Variants in NRXN1 observed in about 807,000 individuals in gnomAD.
NRXN1 encodes the protein neurexin-1.
NRXN1 carries 39 observed loss-of-function variants against 150.9 expected under a neutral mutation model. That is an observed-to-expected ratio of 0.26 (90% CI 0.20 to 0.34). The LOEUF is 0.34. Ranked by LOEUF, NRXN1 falls within the 10% of genes least tolerant of loss-of-function variation. The pLI is 1.00. For missense variants in NRXN1, 1,815 were observed against 1,949.9 expected, an observed-to-expected ratio of 0.93 and a Z score of 1.30; for synonymous variants, 924 against 757.0, an observed-to-expected ratio of 1.22 and a Z score of -3.62.
At chr2:50,672,416 G>A (rs1288806745) in intron 5 of NRXN1, among the ~76,000 whole-genome samples, 1 of 151,928 alleles carries the variant, frequency 6.6e-6, no homozygotes, top group African/African-American at 2.4e-5. Flanking sequence ...GAGAAAACTT[G>A]CCTTGGTCAT....
intron 8 of NRXN1, chr2:50,619,764 A>C (rs1415073403): frequency 2.4e-6 from 1 of 415,326 alleles, no homozygotes; most frequent in Non-Finnish European, 4.3e-6. Context: ...ACTTTCTTTT[A>C]TAGCTAATAT....
rs797006860 is a variant in NRXN1 at position 49,992,394 on chromosome 2, A to T, written c.4129-48603T>A. On this transcript the variant is annotated intron_variant, in intron 21 of 22. Coordinates refer to ENST00000401669, the MANE Select transcript of NRXN1 (RefSeq NM_001330078.2). ...CTCTACTAAAATACAAACAAAAAAAAAACACCCCAAAAACAAACAAACAAA... is the reference window on the plus strand; with the variant it reads ...CTCTACTAAAATACAAACAAAAAAATAACACCCCAAAAACAAACAAACAAA... 3.4e-4 allele frequency among the ~76,000 whole-genome samples: 43 copies of T among 128,224 alleles called. 1 individual carries two copies. The highest frequency in any genetic ancestry group is 1.1e-3 in the African/African-American group (42 of 36,726). 84.1% of individuals were successfully genotyped at this position (128,224 alleles called of 152,430 possible).
chr2:50,412,715 AT>A (rs1299864239), intron 17 of NRXN1, among the ~76,000 whole-genome samples: 1 of 152,208 alleles, frequency 6.6e-6, no homozygotes, highest in East Asian at 1.9e-4. Context: ...ACATAGTCTG[AT>A]TTTTGTAAAA....
intron 15 of NRXN1, among the ~76,000 whole-genome samples, chr2:50,476,372 C>T (rs1293215413): frequency 6.6e-6 from 1 of 152,114 alleles, no homozygotes; most frequent in Non-Finnish European, 1.5e-5. Context: ...CAAACCCTGG[C>T]TCTGCCACCT....
chr2:50,084,486 C>T (rs1323508054), intron 19 of NRXN1, among the ~76,000 whole-genome samples: 9 of 152,216 alleles, frequency 5.9e-5, no homozygotes, highest in East Asian at 3.9e-4. Flanking sequence ...CCCACAGGGC[C>T]GGCCGGCCGC....
At chr2:49,942,955 A>G (rs1214225912) in intron 22 of NRXN1, among the ~76,000 whole-genome samples, 4 of 152,172 alleles carry the variant, frequency 2.6e-5, no homozygotes, top group Non-Finnish European at 4.4e-5. Context: ...AAACCAAACC[A>G]AACCAAAACA....
At chr2:50,228,725 C>G (rs529910362) in intron 18 of NRXN1, among the ~76,000 whole-genome samples, 2 of 152,086 alleles carry the variant, frequency 1.3e-5, no homozygotes, top group South Asian at 2.1e-4. Context: ...TTTTGTCTGT[C>G]AATCACGAAT....
chr2:49,934,974 G>C (rs1241352046), intron 22 of NRXN1, among the ~76,000 whole-genome samples: 1 of 152,120 alleles, frequency 6.6e-6, no homozygotes, highest in Non-Finnish European at 1.5e-5. Flanking sequence ...GAAATACTTT[G>C]AAAAACTTGC....
At chr2:50,939,299 T>G (rs1689045689) in intron 2 of NRXN1, among the ~76,000 whole-genome samples, 1 of 151,954 alleles carries the variant, frequency 6.6e-6, no homozygotes, top group South Asian at 2.1e-4. Context: ...AATCATATTT[T>G]TTGGAAAACT....
intron 5 of NRXN1, among the ~76,000 whole-genome samples, chr2:50,687,250 C>T (rs1413059067): frequency 6.6e-6 from 1 of 152,150 alleles, no homozygotes; most frequent in Non-Finnish European, 1.5e-5. Flanking sequence ...ACTGAATTTT[C>T]TCTGTACCTG....
Position 50,183,211 on chromosome 2 carries a change from C to A in NRXN1, c.3546+53578G>T, listed in dbSNP as rs547536625. On this transcript the variant is annotated intron_variant, in intron 18 of 22. Coordinates refer to ENST00000401669, the MANE Select transcript of NRXN1 (RefSeq NM_001330078.2). ...ATTTATTTTTTGTCTTAGGACAACA[C>A]TGAATATTTGTCAGAAGCATCTGCT... Among the ~76,000 whole-genome samples the A allele has an allele frequency of 7.2e-5, 11 of 152,158 alleles. No homozygotes were observed. In the East Asian group the frequency reaches 2.1e-3, roughly 29 times the overall value.
intron 17 of NRXN1, among the ~76,000 whole-genome samples, chr2:50,238,651 T>A (rs886843036): frequency 6.6e-6 from 1 of 152,040 alleles, no homozygotes. Context: ...TGACCTACTA[T>A]CACATTTGTG....
At chr2:49,970,202 T>C (rs1677708043) in intron 21 of NRXN1, 1 of 152,074 alleles carries the variant, frequency 6.6e-6, no homozygotes, top group South Asian at 2.1e-4. Context: ...AGAAGATGAA[T>C]TGTGGCTTAA....
At chr2:50,536,698 T>C (rs1043146226) in intron 10 of NRXN1, among the ~76,000 whole-genome samples, 13 of 152,216 alleles carry the variant, frequency 8.5e-5, no homozygotes, top group African/African-American at 3.1e-4. Flanking sequence ...GCTAATCTCA[T>C]ATTATGCGTA....
At chr2:50,332,136 A>AT (rs1176447980) in intron 17 of NRXN1, among the ~76,000 whole-genome samples, 4 of 152,204 alleles carry the variant, frequency 2.6e-5, no homozygotes, top group Non-Finnish European at 4.4e-5. Flanking sequence ...AAATGGTGAA[A>AT]TCACAGGCAA....
intron 10 of NRXN1, among the ~76,000 whole-genome samples, chr2:50,532,456 C>T (rs1481523736): frequency 6.6e-6 from 1 of 152,036 alleles, no homozygotes; most frequent in African/African-American, 2.4e-5. Flanking sequence ...TACCAAACAA[C>T]AGATAATACT....
At chr2:50,297,649 A>C (rs2073744626) in intron 17 of NRXN1, among the ~76,000 whole-genome samples, 1 of 152,228 alleles carries the variant, frequency 6.6e-6, no homozygotes, top group South Asian at 2.1e-4. Flanking sequence ...TAAAGACTCA[A>C]GAGAAACACC....
At position 50,284,680 on chromosome 2, in the gene NRXN1, T is replaced by C. The variant is rs750039587; in HGVS notation, c.3365-47710A>G. Among the ~76,000 whole-genome samples, 6 of 152,212 alleles carry C rather than the reference T, an allele frequency of 3.9e-5. No homozygotes were observed. The East Asian group carries it at 7.7e-4, about 19-fold the overall frequency. Reference sequence around the variant, plus strand: ...TCCTCCCACTCTTATCTACTTAATGTAGAAAAATCAGTGGGGCTAGGCAAG... The same window carrying C: ...TCCTCCCACTCTTATCTACTTAATGCAGAAAAATCAGTGGGGCTAGGCAAG... On this transcript the variant is annotated intron_variant, in intron 17 of 22. Transcript: ENST00000401669.
At chr2:50,348,600 T>C (rs970323864) in intron 17 of NRXN1, among the ~76,000 whole-genome samples, 18 of 152,174 alleles carry the variant, frequency 1.2e-4, no homozygotes, top group African/African-American at 4.1e-4. Context: ...CCAAGGGAAA[T>C]AGGACATTTA....
Sources: gnomAD v4.1 joint callset for allele counts (sites outside exome capture counted in the v4.1 genomes callset) on GRCh38, gnomAD v4.1.1 for gene constraint, MANE v1.5 for transcripts, NCBI Gene and HGNC (gene_info 2026-07-23, HGNC 2026-07-21) for gene names.